Variants in KBTBD4 observed in about 807,000 individuals in gnomAD.
The protein encoded by KBTBD4 is kelch repeat and BTB domain containing 4, also known as kelch repeat and BTB domain-containing protein 4.
A neutral mutation model predicts 43.9 loss-of-function variants in KBTBD4; 30 were observed. That is an observed-to-expected ratio of 0.68 (90% CI 0.51 to 0.93). The LOEUF (loss-of-function observed/expected upper bound fraction) is 0.93, where lower values mean the gene tolerates loss of function less well. KBTBD4 is among the 40% of genes least tolerant of loss of function. The pLI, the probability that KBTBD4 is intolerant of heterozygous loss-of-function variation, is 0.00. For synonymous variants in KBTBD4, 258 were observed against 256.9 expected (o/e 1.00, Z -0.04); for missense variants, 575 against 668.8 (o/e 0.86, Z 1.55).
At chr11:47,576,501 T>G (rs1035505773) in intron 2 of KBTBD4, 1 of 151,916 alleles carries the variant, frequency 6.6e-6, no homozygotes, top group East Asian at 1.9e-4. Context: ...CCTCAAAAAG[T>G]TGGGTAAAGA....
rs745895676 is a variant in KBTBD4 at position 47,577,916 on chromosome 11, G to A, written c.132C>T (p.Gly44=). 5.5e-5 allele frequency: 88 copies of A among 1,614,054 alleles called. No individual in the cohort carries two copies. The highest frequency in any genetic ancestry group is 5.5e-5 in the Non-Finnish European group (65 of 1,180,038). ...GTTTCATGATGCCTTGAGCCACACG[G>A]CCTGAATGTGACCGATCTTTGAAAG... is the stretch of plus-strand genomic sequence containing the variant. ...NYTFKDRSHS[G]RVAQGIMKLC... The change falls in exon 2 of 4, where the codon GGC becomes GGT. Residue 44 remains glycine, a synonymous_variant. Transcript: ENST00000430070.
chr11:47,578,314 C>G, intron 1 of KBTBD4: 1 of 579,360 alleles, frequency 1.7e-6, no homozygotes, highest in Non-Finnish European at 3.1e-6. Context: ...TAACAAAAGA[C>G]TTGGGATTTA....
Position 47,575,709 on chromosome 11 carries a change from C to T in KBTBD4, c.638-10G>A. 1 of 1,558,434 alleles carries T rather than the reference C, an allele frequency of 6.4e-7. No individual in the cohort carries two copies. The highest frequency in any genetic ancestry group is 2.2e-5 in the East Asian group (1 of 44,592). ...GAACACGGAACTCCATCTGTGAGAG[C>T]CAGAGGAAAGGCATGGTCAATGACA... is the stretch of plus-strand genomic sequence containing the variant. On this transcript the variant is annotated splice_polypyrimidine_tract_variant and intron_variant, in intron 2 of 3. Transcript: ENST00000430070.
chr11:47,578,080 G>T, intron 1 of KBTBD4, 52 bp from the exon 2 acceptor site: 2 of 1,599,912 alleles, frequency 1.3e-6, no homozygotes, highest in Non-Finnish European at 1.7e-6. Flanking sequence ...GCCATAGTCT[G>T]TGAATCCAAC....
At chr11:47,578,652 G>T (rs1437141060) in intron 1 of KBTBD4, 1 of 836,940 alleles carries the variant, frequency 1.2e-6, no homozygotes, top group Non-Finnish European at 1.9e-6. Context: ...GGCACTGGGA[G>T]GCCCATCACC....
chr11:47,574,277 A>G (rs1216355537), intron 3 of KBTBD4, among the ~76,000 whole-genome samples: 3 of 152,204 alleles, frequency 2.0e-5, no homozygotes, highest in Non-Finnish European at 4.4e-5. Context: ...TGGGCAGATC[A>G]CCTAAGCTCA....
chr11:47,578,193 C>G (rs968645513), intron 1 of KBTBD4, 165 bp from the exon 2 acceptor site: 3 of 697,874 alleles, frequency 4.3e-6, no homozygotes, highest in African/African-American at 3.6e-5. Context: ...ATCCTTTAAC[C>G]AAATCTGGGT....
chr11:47,574,521 A>G (rs1262382637), intron 3 of KBTBD4, among the ~76,000 whole-genome samples: 1 of 152,038 alleles, frequency 6.6e-6, no homozygotes. Flanking sequence ...AAAACAAAAC[A>G]AAAAACAGAG....
Position 47,573,035 on chromosome 11 carries a change from T to C in KBTBD4, c.1500A>G (p.Lys500=), listed in dbSNP as rs374200536. The C allele has an allele frequency of 2.4e-5, 38 of 1,614,022 alleles. No homozygotes were observed. In the African/African-American group the frequency reaches 4.1e-4, roughly 18 times the overall value. ...GSIYVFRDRY[K]KGDANTYKLD... ...GCTTGTAGGTGTTGGCATCCCCCTT[T>C]TTATATCGGTCCCGGAAGACATAGA... The change falls in exon 4 of 4, where the codon AAA becomes AAG. Residue 500 remains lysine (K), a synonymous_variant. Coordinates refer to ENST00000430070, the MANE Select transcript of KBTBD4 (RefSeq NM_018095.6). This position sits in a 1 kb window ranked among gnomAD's most constrained non-coding sequence, Gnocchi z 4.1.
chr11:47,573,506 G>A lies in KBTBD4; in HGVS notation c.1029C>T (p.Pro343=), dbSNP rs139512073. The A allele has an allele frequency of 1.4e-3, 2,307 of 1,614,130 alleles. 2 individuals are homozygous for A. Among genetic ancestry groups the A allele is most frequent in the Non-Finnish European group, 1.9e-3 (2,218 of 1,180,038 alleles). ...DRLQHTLVSV[P]GKDAIYSLGG... ...CCAGTGAATATATGGCATCTTTCCCGGGCACAGACACCAGGGTGTGCTGGA... is the reference window on the plus strand; with the variant it reads ...CCAGTGAATATATGGCATCTTTCCCAGGCACAGACACCAGGGTGTGCTGGA... Residue 343 remains proline, a synonymous_variant, in exon 4 of 4, where the codon CCC becomes CCT. Coordinates refer to ENST00000430070, the MANE Select transcript of KBTBD4 (RefSeq NM_018095.6). This position sits in a 1 kb window ranked among gnomAD's most constrained non-coding sequence, Gnocchi z 4.1.
In KBTBD4 at chr11:47,573,335, C is replaced by T. The variant is rs141320690; in HGVS notation, c.1200G>A (p.Gly400=). Residue 400 remains glycine (G), a synonymous_variant, in exon 4 of 4, where the codon GGG becomes GGA. Transcript: ENST00000430070. The surrounding 1 kb of genome is among the most constrained non-coding windows in gnomAD (Gnocchi z 4.1). ...AGAAGTCCAGATCATTCTCCTCCCC[C>T]CCTAGTAAGTAGATGATCCCGTTGA... ...ANLNGIIYLL[G]GEENDLDFFT... 9 of 1,614,102 alleles carry T rather than the reference C, an allele frequency of 5.6e-6. No individual in the cohort carries two copies. Among genetic ancestry groups the T allele is most frequent in the Admixed American group, 3.3e-5 (2 of 60,004 alleles).
intron 1 of KBTBD4, 188 bp from the exon 2 acceptor site, chr11:47,578,216 G>T (rs960254648): frequency 2.1e-5 from 13 of 612,424 alleles, no homozygotes; most frequent in Non-Finnish European, 2.3e-5. Flanking sequence ...GTTATCCCCA[G>T]TGGCGCCCCT....
At chr11:47,578,573 T>A in intron 1 of KBTBD4, 1 of 704,016 alleles carries the variant, frequency 1.4e-6, no homozygotes, top group Non-Finnish European at 2.6e-6. Flanking sequence ...TCCCCCACAC[T>A]TCCCCGCTCG....
chr11:47,573,689 A>G lies in KBTBD4; in HGVS notation c.846T>C (p.Ser282=), dbSNP rs2097254006. Residue 282 remains serine, a synonymous_variant, in exon 4 of 4, where the codon AGT becomes AGC. Coordinates refer to ENST00000430070, the MANE Select transcript of KBTBD4 (RefSeq NM_018095.6). This position sits in a 1 kb window ranked among gnomAD's most constrained non-coding sequence, Gnocchi z 4.1. ...SLHCAEDDSI[S]VSGQNSLCHQ... ...GGCACAAACTGTTTTGGCCACTTAC[A>G]CTGATGGAGTCATCTTCTGCACAGT... is the stretch of plus-strand genomic sequence containing the variant. 1.2e-6 allele frequency: 2 copies of G among 1,610,486 alleles called. No individual in the cohort carries two copies. The highest frequency in any genetic ancestry group is 2.2e-5 in the South Asian group (2 of 91,086).
At position 47,572,676 on chromosome 11, in the gene KBTBD4, A is replaced by G. The variant is rs1270877331; in HGVS notation, c.*254T>C. Reference sequence around the variant, plus strand: ...TCTGAGAAAAGGCTTGCTCTAAGCAAGCTGTGGTGAGGCACAGGATGACTA... The same window carrying G: ...TCTGAGAAAAGGCTTGCTCTAAGCAGGCTGTGGTGAGGCACAGGATGACTA... On this transcript the variant is annotated 3_prime_UTR_variant, in exon 4 of 4. Coordinates refer to ENST00000430070, the MANE Select transcript of KBTBD4 (RefSeq NM_018095.6). The G allele has an allele frequency of 1.9e-6, 1 of 523,996 alleles. No homozygotes were observed. The highest frequency in any genetic ancestry group is 1.9e-5 in the African/African-American group (1 of 52,704). The allele number at this position is 523,996 out of a possible 1,614,324, so 32.5% of individuals were successfully genotyped here.
At chr11:47,575,965 G>A (rs907273767) in intron 2 of KBTBD4, among the ~76,000 whole-genome samples, 3 of 149,562 alleles carry the variant, frequency 2.0e-5, no homozygotes, top group Non-Finnish European at 4.4e-5. Flanking sequence ...AAGCAATCCT[G>A]TTTCAGCCTC....
chr11:47,576,795 C>T (rs186331866), intron 2 of KBTBD4, among the ~76,000 whole-genome samples: 24 of 151,950 alleles, frequency 1.6e-4, no homozygotes, highest in Non-Finnish European at 3.1e-4. Context: ...CCTGCCTCAG[C>T]CTTCCCAAGT....
intron 2 of KBTBD4, 21 bp downstream of exon 2, chr11:47,577,390 G>A: frequency 6.3e-7 from 1 of 1,581,118 alleles, no homozygotes; most frequent in South Asian, 1.1e-5. Flanking sequence ...TGGGTATGGT[G>A]TGTCCCCTCC....
rs140618424 is a variant in KBTBD4, at chr11:47,573,079, C to T, written c.1456G>A (p.Ala486Thr). 1.2e-5 allele frequency: 20 copies of T among 1,614,048 alleles called. No individual in the cohort carries two copies. The highest frequency in any genetic ancestry group is 1.5e-5 in the Non-Finnish European group (18 of 1,180,040). The change falls in exon 4 of 4, where the codon GCC becomes ACC. Residue 486 changes from alanine to threonine, a missense_variant. Coordinates refer to ENST00000430070, the MANE Select transcript of KBTBD4 (RefSeq NM_018095.6). The surrounding 1 kb of genome is among the most constrained non-coding windows in gnomAD (Gnocchi z 4.1). Reference protein sequence around the residue: ...WSSAPSLWKIASCNGSIYVFR... With the variant: ...WSSAPSLWKITSCNGSIYVFR... ...ACATAGATGCTCCCGTTACAGCTGG[C>T]AATCTTCCAGAGGGATGGGGCAGAG...
Sources: allele counts gnomAD v4.1 joint callset (sites outside exome capture counted in the v4.1 genomes callset), GRCh38; gene constraint gnomAD v4.1.1; non-coding constraint Gnocchi (gnomAD v3.1); transcripts MANE v1.5; gene names NCBI Gene and HGNC (gene_info 2026-07-23, HGNC 2026-07-21).